Variants in LRRC7 observed in about 807,000 individuals in gnomAD.
LRRC7 encodes leucine rich repeat containing 7, also known as leucine-rich repeat-containing protein 7.
In LRRC7, 23 loss-of-function variants were observed where a neutral mutation model predicts 175.7. That is an observed-to-expected ratio of 0.13 (90% confidence interval 0.09 to 0.19). LRRC7 has a LOEUF of 0.19. Ranked by LOEUF, LRRC7 falls within the 10% of genes least tolerant of loss-of-function variation. The probability of loss-of-function intolerance (pLI) is 1.00; values close to 1 mark genes in which losing one functional copy is unlikely to be tolerated. For synonymous variants in LRRC7, 685 were observed against 680.9 expected (o/e 1.01, Z -0.09); for missense variants, 1,354 against 1,904.7 (o/e 0.71, Z 5.38).
At chr1:70,046,869 G>T (rs1660371582) in intron 22 of LRRC7, among the ~76,000 whole-genome samples, 1 of 152,076 alleles carries the variant, frequency 6.6e-6, no homozygotes, top group African/African-American at 2.4e-5. Context: ...TCTTTAAAAT[G>T]CAGTCTCTCC....
intron 22 of LRRC7, among the ~76,000 whole-genome samples, chr1:70,051,574 C>T (rs1391341619): frequency 1.3e-5 from 2 of 151,918 alleles, no homozygotes; most frequent in African/African-American, 4.8e-5. Flanking sequence ...ATACTTTAAA[C>T]ATGTTGTCTA....
chr1:69,964,469 C>T (rs1274949081), intron 8 of LRRC7, among the ~76,000 whole-genome samples: 2 of 152,200 alleles, frequency 1.3e-5, no homozygotes, highest in South Asian at 2.1e-4. Flanking sequence ...CTACCCCACT[C>T]ATTGGACAGT....
chr1:69,775,180 A>T (rs1672675260), intron 3 of LRRC7, among the ~76,000 whole-genome samples: 1 of 152,204 alleles, frequency 6.6e-6, no homozygotes, highest in African/African-American at 2.4e-5. Flanking sequence ...ATATATGTCC[A>T]GGGCGCAAGT....
intron 2 of LRRC7, among the ~76,000 whole-genome samples, chr1:69,735,920 G>T (rs892669625): frequency 6.6e-6 from 1 of 151,196 alleles, no homozygotes; most frequent in African/African-American, 2.4e-5. Context: ...ATCACTATTG[G>T]GTCATGAATT....
At position 69,792,123 on chromosome 1, in the gene LRRC7, T is replaced by A; in HGVS notation, c.384T>A (p.Ser128Arg). The part of the protein sequence containing the change: ...DLSNLPTTIA[S>R]LVNLKELDIS... ...CAAATCTGCCAACCACTATTGCTAG[T>A]TTAGTTAATCTTAAAGAACTCGACA... The change falls in exon 4 of 27, where the codon AGT becomes AGA. Residue 128 changes from serine to arginine, a missense_variant. By Grantham distance (110) the Ser-to-Arg change is moderately radical (BLOSUM62 -1). This residue lies in a region of LRRC7 where 201 missense variants were observed against 481.4 expected (regional missense o/e 0.42). Transcript: ENST00000651989. 1.2e-6 allele frequency: 2 copies of A among 1,608,686 alleles called. No homozygotes were observed. The highest frequency in any genetic ancestry group is 1.7e-6 in the Non-Finnish European group (2 of 1,175,988).
intron 7 of LRRC7, among the ~76,000 whole-genome samples, chr1:69,924,894 G>A (rs1557894598): frequency 1.3e-5 from 2 of 152,148 alleles, no homozygotes; most frequent in Non-Finnish European, 2.9e-5. Flanking sequence ...CAAATGGAAT[G>A]CTTCCAGTTT....
intron 1 of LRRC7, among the ~76,000 whole-genome samples, chr1:69,668,814 C>T (rs1052376421): frequency 6.6e-6 from 1 of 152,182 alleles, no homozygotes. Flanking sequence ...TCTGTTGCTT[C>T]CTGACATTTT....
At chr1:69,953,527 G>A (rs1570786146) in intron 8 of LRRC7, among the ~76,000 whole-genome samples, 1 of 152,018 alleles carries the variant, frequency 6.6e-6, no homozygotes, top group Non-Finnish European at 1.5e-5. Flanking sequence ...GGTGAATAGT[G>A]CCTATAACAG....
chr1:70,070,363 G>A (rs1028763875), intron 23 of LRRC7, among the ~76,000 whole-genome samples: 2 of 152,080 alleles, frequency 1.3e-5, no homozygotes, highest in South Asian at 2.1e-4. Flanking sequence ...GTGTGTGTGC[G>A]TAATTGATCA....
At chr1:69,893,898 C>A (rs990470353) in intron 7 of LRRC7, among the ~76,000 whole-genome samples, 1 of 151,858 alleles carries the variant, frequency 6.6e-6, no homozygotes, top group South Asian at 2.1e-4. Context: ...TGTGCAAAAG[C>A]GGGGAGATGA....
intron 1 of LRRC7, among the ~76,000 whole-genome samples, chr1:69,579,379 G>T (rs1248538592): frequency 6.6e-6 from 1 of 152,030 alleles, no homozygotes. Context: ...AATAAAAAAG[G>T]TTAAACCTTT....
chr1:69,773,633 T>C (rs1383056986), intron 3 of LRRC7, among the ~76,000 whole-genome samples: 1 of 152,178 alleles, frequency 6.6e-6, no homozygotes, highest in African/African-American at 2.4e-5. Context: ...AAAGTCTCCT[T>C]TATTGGCTTA....
rs1336337679 is a variant in LRRC7, at chr1:69,678,389, A to G, written c.11A>G (p.Asn4Ser). The G allele has an allele frequency of 6.3e-7, 1 of 1,592,964 alleles. No homozygotes were observed. The highest frequency in any genetic ancestry group is 1.7e-5 in the Admixed American group (1 of 57,598). ...CTGATTCTCTCTTATAGGATGGAGA[A>G]CCTAATAAGGGGAAGGAATCCCCCG... MME[N>S]LIRGRNPPQY... The change falls in exon 2 of 27, where the codon AAC becomes AGC. Residue 4 changes from asparagine (N) to serine (S), a missense_variant. Asn to Ser is a conservative substitution (Grantham distance 46). This residue lies in a region of LRRC7 where 68 missense variants were observed against 83.4 expected (regional missense o/e 0.82). Coordinates refer to ENST00000651989, the MANE Select transcript of LRRC7 (RefSeq NM_001370785.2).
At chr1:69,941,545 TAGA>T (rs1202020425) in intron 8 of LRRC7, among the ~76,000 whole-genome samples, 2 of 151,596 alleles carry the variant, frequency 1.3e-5, no homozygotes. Flanking sequence ...AAACTATAGC[TAGA>T]AGAAGATATG....
intron 2 of LRRC7, among the ~76,000 whole-genome samples, chr1:69,711,550 C>A (rs6687106): frequency 0.23 from 34,538 of 152,204 alleles, 4,523 homozygotes; most frequent in South Asian, 0.32. Context: ...GCCCACTGCA[C>A]CCTCTGGATT....
At chr1:69,882,064 CA>C (rs1686672732) in intron 7 of LRRC7, among the ~76,000 whole-genome samples, 1 of 140,674 alleles carries the variant, frequency 7.1e-6, no homozygotes, top group Non-Finnish European at 1.5e-5. Flanking sequence ...ATGGAATCGA[CA>C]AAGGATGTAA....
chr1:70,072,578 A>ACTGCTGCTGCTGCTGCTGCTG (rs6143270), intron 23 of LRRC7, among the ~76,000 whole-genome samples: 69 of 150,724 alleles, frequency 4.6e-4, no homozygotes, highest in Admixed American at 3.6e-3. Context: ...GAGACAAAAA[A>ACTGCTGCTGCTGCTGCTGCTG]CTGCTGCTGC....
intron 2 of LRRC7, among the ~76,000 whole-genome samples, chr1:69,736,034 G>T (rs765795): frequency 0.58 from 88,060 of 151,898 alleles, 27,260 homozygotes; most frequent in East Asian, 0.89. Flanking sequence ...GTGGTGCTGA[G>T]AAAAATGGAT....
intron 9 of LRRC7, 35 bp from the exon 10 acceptor site, chr1:69,986,207 C>G: frequency 2.5e-6 from 4 of 1,590,942 alleles, no homozygotes; most frequent in Non-Finnish European, 3.4e-6. Context: ...GTGAAAGTCT[C>G]TCAACTAACC....
Sources: gnomAD v4.1 joint callset for allele counts (sites outside exome capture counted in the v4.1 genomes callset) on GRCh38, gnomAD v4.1.1 for gene constraint, gnomAD v4.1.1 regional missense constraint, MANE v1.5 for transcripts, NCBI Gene and HGNC (gene_info 2026-07-23, HGNC 2026-07-21) for gene names.